The following RBMS2 variants were observed in gnomAD, a reference collection of about 807,000 sequenced individuals.
The protein encoded by RBMS2 is RNA-binding motif, single-stranded-interacting protein 2.
A neutral mutation model predicts 58.4 loss-of-function variants in RBMS2; 38 were observed. The observed-to-expected ratio is 0.65, with a 90% CI of 0.50 to 0.85. RBMS2 has a LOEUF of 0.85. Ranked by LOEUF, RBMS2 falls within the 40% of genes least tolerant of loss-of-function variation. The pLI, the probability that RBMS2 is intolerant of heterozygous loss-of-function variation, is 0.00. For missense variants in RBMS2, 367 were observed against 503.7 expected (o/e 0.73, Z 2.60); for synonymous variants, 151 against 180.7 (o/e 0.84, Z 1.32).
chr12:56,534,796 C>T (rs1218440115), intron 1 of RBMS2, among the ~76,000 whole-genome samples: 1 of 152,092 alleles, frequency 6.6e-6, no homozygotes, highest in Admixed American at 6.6e-5. Flanking sequence ...CGCCCGCCAC[C>T]ATGCCCGGCT....
At chr12:56,564,405 G>A (rs1467323922) in intron 2 of RBMS2, among the ~76,000 whole-genome samples, 1 of 151,894 alleles carries the variant, frequency 6.6e-6, no homozygotes, top group African/African-American at 2.4e-5. Flanking sequence ...ATCTTGTTCT[G>A]TCACCAAGGC....
chr12:56,555,456 A>G (rs74734974), intron 1 of RBMS2, among the ~76,000 whole-genome samples: 23 of 150,324 alleles, frequency 1.5e-4, no homozygotes. Flanking sequence ...AAAAAAAAAA[A>G]GGAAGAAGAA....
At chr12:56,569,773 A>G (rs1881975572) in intron 3 of RBMS2, 126 bp from the exon 4 acceptor site, 3 of 823,618 alleles carry the variant, frequency 3.6e-6, no homozygotes, top group African/African-American at 3.4e-5. Flanking sequence ...GAAACCTCTC[A>G]ATAGCTCTTT....
At chr12:56,537,493 A>G (rs1409141153) in intron 1 of RBMS2, among the ~76,000 whole-genome samples, 1 of 152,152 alleles carries the variant, frequency 6.6e-6, no homozygotes, top group East Asian at 1.9e-4. Context: ...CTCGTGGTTC[A>G]CCTATGTTGT....
chr12:56,532,411 G>T (rs868776201), intron 1 of RBMS2, among the ~76,000 whole-genome samples: 1 of 151,758 alleles, frequency 6.6e-6, no homozygotes, highest in East Asian at 1.9e-4. Context: ...GCATGGTGGC[G>T]CATGCCTGTA....
chr12:56,559,724 G>A (rs1274187875), intron 1 of RBMS2, among the ~76,000 whole-genome samples: 2 of 149,648 alleles, frequency 1.3e-5, no homozygotes, highest in African/African-American at 4.9e-5. Flanking sequence ...GGTGGCGGGC[G>A]CCTGTAGTCC....
chr12:56,565,293 C>T (rs956010262), intron 2 of RBMS2, among the ~76,000 whole-genome samples: 6 of 151,992 alleles, frequency 3.9e-5, no homozygotes, highest in South Asian at 4.2e-4. Context: ...TAGGTAAACT[C>T]GGGACTTGGG....
chr12:56,536,972 G>A (rs1301783214), intron 1 of RBMS2, among the ~76,000 whole-genome samples: 1 of 149,832 alleles, frequency 6.7e-6, no homozygotes, highest in Non-Finnish European at 1.5e-5. Context: ...GCAGGCTGGA[G>A]TGCAGTGGCA....
chr12:56,529,671 A>T (rs535320443), intron 1 of RBMS2, among the ~76,000 whole-genome samples: 43 of 152,334 alleles, frequency 2.8e-4, no homozygotes, highest in African/African-American at 9.6e-4. Context: ...GAACCTTAAA[A>T]ACATGACGCT....
intron 1 of RBMS2, among the ~76,000 whole-genome samples, chr12:56,540,261 A>G (rs1875826141): frequency 1.3e-5 from 2 of 152,172 alleles, no homozygotes; most frequent in African/African-American, 4.8e-5. Context: ...GGCATTGAAT[A>G]TTTATTGAAT....
At chr12:56,573,279 C>A (rs1239249105) in intron 5 of RBMS2, 30 of 703,058 alleles carry the variant, frequency 4.3e-5, no homozygotes, top group Admixed American at 6.3e-5. Context: ...GAGTTTGAGA[C>A]CAGCCTGGCC....
At chr12:56,551,865 A>G (rs761355701) in intron 1 of RBMS2, among the ~76,000 whole-genome samples, 2 of 152,238 alleles carry the variant, frequency 1.3e-5, no homozygotes, top group Non-Finnish European at 2.9e-5. Flanking sequence ...AGGTGGGCAG[A>G]TCACCTGAGG....
rs906621916 is a variant in RBMS2, at chr12:56,594,258, G to A, written c.*5125G>A. On this transcript the variant is annotated 3_prime_UTR_variant, in exon 14 of 14. Coordinates refer to ENST00000262031, the MANE Select transcript of RBMS2 (RefSeq NM_002898.4). Reference sequence around the variant, plus strand: ...CAGTGGCTATTAGTCTTCTAGAAAAGAACTATTGCTGCTGCCTTGTGCACA... The same window carrying A: ...CAGTGGCTATTAGTCTTCTAGAAAAAAACTATTGCTGCTGCCTTGTGCACA... The A allele has an allele frequency of 3.3e-5, 5 of 152,250 alleles. No homozygotes were observed. The highest frequency in any genetic ancestry group is 1.2e-4 in the African/African-American group (5 of 41,456). 9.4% of individuals were successfully genotyped at this position (152,250 alleles called of 1,614,324 possible).
intron 1 of RBMS2, among the ~76,000 whole-genome samples, chr12:56,541,110 A>AAAC (rs1876014836): frequency 1.3e-5 from 2 of 151,834 alleles, no homozygotes; most frequent in Non-Finnish European, 2.9e-5. Flanking sequence ...CAAAAAAAAA[A>AAAC]AAAAACCCCA....
At chr12:56,558,397 C>T (rs1413415333) in intron 1 of RBMS2, among the ~76,000 whole-genome samples, 1 of 148,294 alleles carries the variant, frequency 6.7e-6, no homozygotes, top group African/African-American at 2.5e-5. Context: ...TTGGACAGTC[C>T]TGGCATCACT....
At chr12:56,543,460 G>T (rs1358873985) in intron 1 of RBMS2, among the ~76,000 whole-genome samples, 4 of 151,628 alleles carry the variant, frequency 2.6e-5, no homozygotes, top group African/African-American at 9.7e-5. Flanking sequence ...TCTTCAGCCT[G>T]GGCAACAGAG....
chr12:56,538,959 C>T (rs969448676), intron 1 of RBMS2, among the ~76,000 whole-genome samples: 8 of 150,348 alleles, frequency 5.3e-5, no homozygotes, highest in Non-Finnish European at 8.9e-5. Flanking sequence ...AGAAATGGAA[C>T]AGTTTTAATT....
In RBMS2 at chr12:56,589,640, A is replaced by G. The variant is rs2463181; in HGVS notation, c.*507A>G. ...GCTTAGTTATGGACTTTTTTGATGCATGTGTGTATGTGTTTTAAAAAGTAT... is the reference window on the plus strand; with the variant it reads ...GCTTAGTTATGGACTTTTTTGATGCGTGTGTGTATGTGTTTTAAAAAGTAT... On this transcript the variant is annotated 3_prime_UTR_variant, in exon 14 of 14. Transcript: ENST00000262031. 76,730 of 162,770 alleles carry G rather than the reference A, an allele frequency of 0.47. 20,278 individuals are homozygous for G. Among genetic ancestry groups the G allele is most frequent in the African/African-American group, 0.74 (30,771 of 41,498 alleles). 10.1% of individuals were successfully genotyped at this position (162,770 alleles called of 1,614,324 possible).
At chr12:56,584,449 G>C (rs765451180) in intron 9 of RBMS2, among the ~76,000 whole-genome samples, 92 of 149,390 alleles carry the variant, frequency 6.2e-4, no homozygotes, top group Non-Finnish European at 1.1e-3. Context: ...AAAAAAAAAA[G>C]TTTAAAATTT....
Sources: gnomAD v4.1 joint callset for allele counts (sites outside exome capture counted in the v4.1 genomes callset) on GRCh38, gnomAD v4.1.1 for gene constraint, MANE v1.5 for transcripts, NCBI Gene and HGNC (gene_info 2026-07-23, HGNC 2026-07-21) for gene names.